Variants in RFX5 observed in about 807,000 individuals in gnomAD.
The protein encoded by RFX5 is DNA-binding protein RFX5.
In RFX5, 30 loss-of-function variants were observed where a neutral mutation model predicts 41.2. The ratio of observed to expected loss-of-function variants is 0.73; its 90% CI spans 0.54 to 0.99. The LOEUF is 0.99. Among genes scored for constraint, RFX5 ranks in the 50% least tolerant of loss-of-function variants. RFX5 has a pLI of 0.00. For missense variants in RFX5, 715 were observed against 773.6 expected (o/e 0.92, Z 0.90); for synonymous variants, 231 against 291.8 (o/e 0.79, Z 2.12).
In RFX5 at chr1:151,343,141, G is replaced by T; in HGVS notation, c.896C>A (p.Pro299His). The change falls in exon 11 of 11, where the codon CCT (proline) becomes CAT (histidine). Residue 299 changes from proline to histidine, a missense_variant. By Grantham distance (77) the Pro-to-His change is moderately conservative (BLOSUM62 -2). Coordinates refer to ENST00000452671, the MANE Select transcript of RFX5 (RefSeq NM_001025603.2). ...CTTCTTCCGCTCTCCACGTGCGAGA[G>T]GACCGGCCCCAGTTCGGGCTTCCAG... ...KDLEARTGAG[P>H]LARGERKKSV... 1 of 1,611,884 alleles carries T rather than the reference G, an allele frequency of 6.2e-7. No individual in the cohort carries two copies.
In RFX5 at chr1:151,342,188, A is replaced by C; in HGVS notation, c.1849T>G (p.Ter617GlyextTer33). The change falls in exon 11 of 11, where the codon TGA becomes GGA. Residue 617 changes from the stop codon to glycine, a stop_lost. Transcript: ENST00000452671. ...ACACTCTTCCCCACAGACCTGTATC[A>C]TGGGGGTGTTGCTTTTGGGTCTTTA... ...EHKDPKATPP[*>G] 6.2e-7 allele frequency: 1 copy of C among 1,614,204 alleles called. No homozygotes were observed. The highest frequency in any genetic ancestry group is 1.3e-5 in the African/African-American group (1 of 75,064).
Position 151,346,191 on chromosome 1 carries a change from T to C in RFX5, c.116+14A>G, listed in dbSNP as rs1441504571. On this transcript the variant is annotated intron_variant, in intron 3 of 10. Transcript: ENST00000452671. ...AGGTCTTGGACAGGACTTGGAGATG[T>C]GATGAGTACTTACGAAATGGTACCT... 2.5e-6 allele frequency: 4 copies of C among 1,611,980 alleles called. No individual in the cohort carries two copies. The highest frequency in any genetic ancestry group is 3.4e-6 in the Non-Finnish European group (4 of 1,178,166).
Position 151,342,965 on chromosome 1 carries a change from C to T in RFX5, c.1072G>A (p.Gly358Ser). 6.2e-7 allele frequency: 1 copy of T among 1,614,090 alleles called. No individual in the cohort carries two copies. Among genetic ancestry groups the T allele is most frequent in the Non-Finnish European group, 8.5e-7 (1 of 1,179,998 alleles). The change falls in exon 11 of 11, where the codon GGT becomes AGT. Residue 358 changes from glycine to serine, a missense_variant. Physicochemically the swap from Gly to Ser is moderately conservative, Grantham distance 56. Transcript: ENST00000452671. ...PPILAPRLSS[G>S]ALKVATLPLS... Reference sequence around the variant, plus strand: ...GGCAGTGTAGCCACTTTCAGGGCACCTGAAGAAAGCCTGGGGGCCAGAATA... The same window carrying T: ...GGCAGTGTAGCCACTTTCAGGGCACTTGAAGAAAGCCTGGGGGCCAGAATA...
At position 151,343,760 on chromosome 1, in the gene RFX5, G is replaced by T; in HGVS notation, c.678C>A (p.Val226=). The change falls in exon 9 of 11, where the codon GTC becomes GTA. Residue 226 remains valine, a synonymous_variant. Coordinates refer to ENST00000452671, the MANE Select transcript of RFX5 (RefSeq NM_001025603.2). ...GATGCTGCTGTAGCAGGAAGCGGGC[G>T]ACCTCAACGATGGAACTGAAGGACC... ...LKRSFSSIVE[V]ARFLLQQHLI... 6.2e-7 allele frequency: 1 copy of T among 1,614,062 alleles called. No homozygotes were observed. The highest frequency in any genetic ancestry group is 8.5e-7 in the Non-Finnish European group (1 of 1,180,040).
chr1:151,344,584 A>G (rs1650831179), intron 6 of RFX5, 48 bp from the exon 7 acceptor site: 7 of 1,613,820 alleles, frequency 4.3e-6, no homozygotes, highest in Non-Finnish European at 5.1e-6. Context: ...GAAGGAGGCC[A>G]TGGGTAGGCT....
Position 151,344,399 on chromosome 1 carries a change from C to G in RFX5, c.473+18G>C. 1 of 1,614,216 alleles carries G rather than the reference C, an allele frequency of 6.2e-7. No individual in the cohort carries two copies. The highest frequency in any genetic ancestry group is 8.5e-7 in the Non-Finnish European group (1 of 1,180,032). ...TCCTCCCAGGTCCTCCACCCCCAAC[C>G]TCTCTAGTCAAGGATACTTGGACTG... On this transcript the variant is annotated intron_variant, in intron 7 of 10. Coordinates refer to ENST00000452671, the MANE Select transcript of RFX5 (RefSeq NM_001025603.2).
intron 2 of RFX5, 27 bp from the exon 3 acceptor site, chr1:151,346,360 G>C: frequency 6.3e-7 from 1 of 1,579,648 alleles, no homozygotes. Context: ...CAGGCATAAA[G>C]ATGTAACTCA....
chr1:151,342,209 C>G lies in RFX5; in HGVS notation c.1828G>C (p.Asp610His), dbSNP rs1650502530. 6.2e-7 allele frequency: 1 copy of G among 1,614,186 alleles called. No homozygotes were observed. The highest frequency in any genetic ancestry group is 8.5e-7 in the Non-Finnish European group (1 of 1,180,034). ...LQSSLSQEHK[D>H]PKATPP ...TATCATGGGGGTGTTGCTTTTGGGT[C>G]TTTATGCTCCTGGGATAAGGAACTT... Residue 610 changes from aspartate (D) to histidine (H), a missense_variant, in exon 11 of 11, where the codon GAC becomes CAC. Asp to His is a moderately conservative substitution (Grantham distance 81, BLOSUM62 -1). Transcript: ENST00000452671.
In RFX5 at chr1:151,345,865, T is replaced by A. The variant is rs553479124; in HGVS notation, c.150+63A>T. 1.4e-5 allele frequency: 23 copies of A among 1,608,074 alleles called. No homozygotes were observed. In the South Asian group the frequency reaches 2.5e-4, roughly 18 times the overall value. ...ATCAATGTTTTGTTGATGCCCATCA[T>A]CCTCACATCCTCCTCCCTCAGCATT... is the stretch of plus-strand genomic sequence containing the variant. On this transcript the variant is annotated intron_variant, in intron 4 of 10. Transcript: ENST00000452671.
intron 9 of RFX5, 70 bp from the exon 10 acceptor site, chr1:151,343,512 TTC>T (rs1246467571): frequency 7.3e-6 from 11 of 1,503,598 alleles, no homozygotes; most frequent in Non-Finnish European, 1.0e-5. Flanking sequence ...AGTGAGGCAA[TTC>T]TGATTGACTG....
chr1:151,342,487 C>T lies in RFX5; in HGVS notation c.1550G>A (p.Arg517Lys), dbSNP rs765614083. Residue 517 changes from arginine (R) to lysine (K), a missense_variant, in exon 11 of 11, where the codon AGG (arginine) becomes AAG (lysine). Physicochemically the swap from Arg to Lys is conservative, Grantham distance 26. Coordinates refer to ENST00000452671, the MANE Select transcript of RFX5 (RefSeq NM_001025603.2). ...TTCAGCCTCTCCCATTGGCCCTGGC[C>T]TCTCTGCCCCTCCAGCTGAGTTGCC... is the stretch of plus-strand genomic sequence containing the variant. ...GEGNSAGGAE[R>K]PGPMGEAEKG... is the part of the protein sequence containing the mutation. The T allele has an allele frequency of 1.9e-6, 3 of 1,614,192 alleles. No homozygotes were observed. Among genetic ancestry groups the T allele is most frequent in the Non-Finnish European group, 2.5e-6 (3 of 1,180,018 alleles).
intron 10 of RFX5, 23 bp from the exon 11 acceptor site, chr1:151,343,201 C>T (rs1377189070): frequency 6.2e-7 from 1 of 1,610,790 alleles, no homozygotes; most frequent in African/African-American, 1.3e-5. Flanking sequence ...GAGAGGAACA[C>T]AGTAAGGTGT....
At chr1:151,344,306 C>A (rs779878988) in intron 7 of RFX5, 28 bp from the exon 8 acceptor site, 27 of 1,613,938 alleles carry the variant, frequency 1.7e-5, no homozygotes, top group Non-Finnish European at 2.3e-5. Context: ...GCAGCCAACA[C>A]ATGGCGATCT....
chr1:151,343,961 T>C, intron 8 of RFX5, 79 bp from the exon 9 acceptor site: 1 of 1,495,448 alleles, frequency 6.7e-7, no homozygotes, highest in Non-Finnish European at 9.2e-7. Flanking sequence ...GATCAAAGAC[T>C]ATTGACCAAA....
In RFX5 at chr1:151,342,075, G is replaced by C. The variant is rs761826673; in HGVS notation, c.*111C>G. The C allele has an allele frequency of 6.7e-7, 1 of 1,490,740 alleles. No individual in the cohort carries two copies. The highest frequency in any genetic ancestry group is 9.3e-7 in the Non-Finnish European group (1 of 1,071,274). The allele number at this position is 1,490,740 out of a possible 1,614,324, so 92.3% of individuals were successfully genotyped here. ...GTGACTCAGCTGTCTGTACAGAGGA[G>C]AATGGACTTCCTTAGGAAAAGAATA... On this transcript the variant is annotated 3_prime_UTR_variant, in exon 11 of 11. Transcript: ENST00000452671.
chr1:151,345,238 C>T (rs749230111), intron 4 of RFX5, 50 bp from the exon 5 acceptor site: 29 of 1,423,638 alleles, frequency 2.0e-5, no homozygotes, highest in Middle Eastern at 1.7e-4. Flanking sequence ...CCAAGAAGGA[C>T]CCAATATAGG....
chr1:151,346,601 G>A lies in RFX5; in HGVS notation c.-126C>T. 2.4e-6 allele frequency: 1 copy of A among 416,324 alleles called. No homozygotes were observed. The highest frequency in any genetic ancestry group is 2.4e-5 in the South Asian group (1 of 41,124). 25.8% of individuals were successfully genotyped at this position (416,324 alleles called of 1,614,324 possible). Reference sequence around the variant, plus strand: ...CACCTTTCTGAAGTCTCCTAAATCTGGAAAACTGTAAAGGAAGAGATAGGG... The same window carrying A: ...CACCTTTCTGAAGTCTCCTAAATCTAGAAAACTGTAAAGGAAGAGATAGGG... On this transcript the variant is annotated 5_prime_UTR_variant, in exon 2 of 11. Coordinates refer to ENST00000452671, the MANE Select transcript of RFX5 (RefSeq NM_001025603.2).
intron 6 of RFX5, 30 bp from the exon 7 acceptor site, chr1:151,344,566 T>C (rs1023001125): frequency 9.3e-6 from 15 of 1,613,864 alleles, no homozygotes; most frequent in African/African-American, 4.0e-5. Flanking sequence ...AGTGGGAAGA[T>C]ACTCAGAGAA....
rs1557834864 is a variant in RFX5 at position 151,345,918 on chromosome 1, A to G, written c.150+10T>C. ...CATCCCTCTCTTGCCCTCTTCCCCAACACACTTACCAGGATCCCCTCTACT... is the reference window on the plus strand; with the variant it reads ...CATCCCTCTCTTGCCCTCTTCCCCAGCACACTTACCAGGATCCCCTCTACT... On this transcript the variant is annotated intron_variant, in intron 4 of 10. Transcript: ENST00000452671. The G allele has an allele frequency of 1.9e-6, 3 of 1,614,072 alleles. No individual in the cohort carries two copies. Among genetic ancestry groups the G allele is most frequent in the Non-Finnish European group, 1.7e-6 (2 of 1,179,978 alleles).
Sources: gnomAD v4.1 joint callset for allele counts on GRCh38, gnomAD v4.1.1 for gene constraint, MANE v1.5 for transcripts, NCBI Gene and HGNC (gene_info 2026-07-23, HGNC 2026-07-21) for gene names.